The following SIPA1L2 variants were observed in gnomAD, a reference collection of about 807,000 sequenced individuals.
The protein encoded by SIPA1L2 is signal induced proliferation associated 1 like 2.
A neutral mutation model predicts 163.9 loss-of-function variants in SIPA1L2; 56 were observed. The observed-to-expected ratio is 0.34, with a 90% CI of 0.28 to 0.43. The LOEUF is 0.43. Ranked by LOEUF, SIPA1L2 falls within the 20% of genes least tolerant of loss-of-function variation. SIPA1L2 has a pLI of 1.00. For missense variants in SIPA1L2, 1,974 were observed against 2,193.5 expected, an observed-to-expected ratio of 0.90 and a Z score of 2.00; for synonymous variants, 877 against 865.7, an observed-to-expected ratio of 1.01 and a Z score of -0.23.
intron 2 of SIPA1L2, among the ~76,000 whole-genome samples, chr1:232,551,356 A>G (rs1442789458): frequency 2.0e-5 from 3 of 152,208 alleles, no homozygotes; most frequent in African/African-American, 7.2e-5. Flanking sequence ...CTAAGAGAGG[A>G]GCCCTCACAA....
rs900010045 is a variant in SIPA1L2 at position 232,494,907 on chromosome 1, A to AT, written c.1484-1248dup. Among the ~76,000 whole-genome samples the AT allele has an allele frequency of 8.6e-5, 13 of 152,006 alleles. No individual in the cohort carries two copies. The East Asian group carries it at 9.7e-4, about 11-fold the overall frequency. On this transcript the variant is annotated intron_variant, in intron 3 of 22. Transcript: ENST00000674635. ...TCCCAGGTGTAGCCTCAAAAAATCG[A>AT]TTTTTTTTCACCCTGACTTAAGGTT...
At chr1:232,416,547 T>A (rs1661276025) in intron 18 of SIPA1L2, among the ~76,000 whole-genome samples, 1 of 152,236 alleles carries the variant, frequency 6.6e-6, no homozygotes, top group African/African-American at 2.4e-5. Flanking sequence ...GGGTTTACGT[T>A]GCTGTAAGAA....
chr1:232,514,230 A>G lies in SIPA1L2; in HGVS notation c.1110T>C (p.Pro370=), dbSNP rs1667112855. 6.2e-7 allele frequency: 1 copy of G among 1,614,086 alleles called. No individual in the cohort carries two copies. Among genetic ancestry groups the G allele is most frequent in the South Asian group, 1.1e-5 (1 of 91,094 alleles). The part of the protein sequence containing the change: ...GASAASQTQM[P]TGQTGNCESP... ...ACTCACAGTTGCCTGTCTGGCCCGT[A>G]GGCATCTGAGTCTGGGATGCTGCAG... Residue 370 remains proline, a synonymous_variant, in exon 3 of 23, where the codon CCT becomes CCC. Transcript: ENST00000674635.
chr1:232,410,413 A>G (rs1036390150), intron 19 of SIPA1L2, among the ~76,000 whole-genome samples: 3 of 152,164 alleles, frequency 2.0e-5, no homozygotes, highest in Admixed American at 1.3e-4. Flanking sequence ...TTTTCAATTT[A>G]CTACTGAATT....
rs1334503351 is a variant in SIPA1L2, at chr1:232,465,078, G to A, written c.2582C>T (p.Ala861Val). ...GTCAGCAGACTGGCCGAAGTCCCGG[G>A]CTATCACGTGCCACATGATGGCCCC... The part of the protein sequence containing the change: ...SIGAIMWHVI[A>V]RDFGQSADIE... Residue 861 changes from alanine to valine, a missense_variant, in exon 9 of 23, where the codon GCC becomes GTC. By Grantham distance (64) the Ala-to-Val change is moderately conservative (BLOSUM62 0). Coordinates refer to ENST00000674635, the MANE Select transcript of SIPA1L2 (RefSeq NM_020808.5). The surrounding 1 kb of genome is among the most constrained non-coding windows in gnomAD (Gnocchi z 4.1). 2 of 1,614,040 alleles carry A rather than the reference G, an allele frequency of 1.2e-6. No individual in the cohort carries two copies. The highest frequency in any genetic ancestry group is 1.3e-5 in the African/African-American group (1 of 74,910).
intron 3 of SIPA1L2, among the ~76,000 whole-genome samples, chr1:232,497,479 A>T (rs1319106378): frequency 6.6e-6 from 1 of 151,804 alleles, no homozygotes; most frequent in Non-Finnish European, 1.5e-5. Flanking sequence ...TCAAGTCATC[A>T]TCCTTCTCTC....
chr1:232,556,946 G>A (rs1225023671), intron 2 of SIPA1L2, among the ~76,000 whole-genome samples: 1 of 152,126 alleles, frequency 6.6e-6, no homozygotes, highest in East Asian at 1.9e-4. Flanking sequence ...GGAGACACAG[G>A]CCAGCTCTGG....
At chr1:232,454,332 C>T (rs1663765724) in intron 10 of SIPA1L2, among the ~76,000 whole-genome samples, 1 of 152,190 alleles carries the variant, frequency 6.6e-6, no homozygotes. Context: ...CTATCTGGCA[C>T]TTACTAATTC....
At chr1:232,589,655 C>CA (rs1660864752) in intron 1 of SIPA1L2, among the ~76,000 whole-genome samples, 1 of 152,162 alleles carries the variant, frequency 6.6e-6, no homozygotes, top group South Asian at 2.1e-4. Flanking sequence ...CTTAAATGGG[C>CA]AAAGCACTGT....
chr1:232,579,490 A>T lies in SIPA1L2; in HGVS notation c.-318-5268T>A, dbSNP rs192711206. 6.3e-3 allele frequency among the ~76,000 whole-genome samples: 954 copies of T among 152,298 alleles called. 21 individuals are homozygous for T. The highest frequency in any genetic ancestry group is 0.028 in the Admixed American group (424 of 15,298). On this transcript the variant is annotated intron_variant, in intron 1 of 22. Coordinates refer to ENST00000674635, the MANE Select transcript of SIPA1L2 (RefSeq NM_020808.5). ...TCCCAGTACATATTTTCCAAAAGAG[A>T]AGAAGAACAGAGGAGGGAGGCAGGG... is the stretch of plus-strand genomic sequence containing the variant.
intron 14 of SIPA1L2, among the ~76,000 whole-genome samples, chr1:232,440,085 C>T (rs1572899804): frequency 2.0e-5 from 3 of 152,186 alleles, no homozygotes; most frequent in Non-Finnish European, 4.4e-5. Flanking sequence ...GAGACAGCCC[C>T]AGTCAAAGTG....
chr1:232,506,022 T>C (rs1666716616), intron 3 of SIPA1L2, among the ~76,000 whole-genome samples: 1 of 152,126 alleles, frequency 6.6e-6, no homozygotes, highest in Non-Finnish European at 1.5e-5. Flanking sequence ...ATTTGATATG[T>C]AAAGGTGTAG....
At chr1:232,569,072 T>A (rs1405511089) in intron 2 of SIPA1L2, among the ~76,000 whole-genome samples, 2 of 152,232 alleles carry the variant, frequency 1.3e-5, no homozygotes, top group Admixed American at 6.5e-5. Context: ...CTGTATGAAA[T>A]CACTCTTGAG....
chr1:232,461,267 C>T (rs1664222038), intron 9 of SIPA1L2, 106 bp from the exon 10 acceptor site: 1 of 1,386,028 alleles, frequency 7.2e-7, no homozygotes, highest in Non-Finnish European at 9.9e-7. Flanking sequence ...TCCCTTGGGC[C>T]CTCGCAGCCC....
At chr1:232,595,630 A>T (rs1661220360) in intron 1 of SIPA1L2, among the ~76,000 whole-genome samples, 1 of 152,160 alleles carries the variant, frequency 6.6e-6, no homozygotes, top group African/African-American at 2.4e-5. Flanking sequence ...TGCTCCCCCA[A>T]CCAAAGAGGA....
intron 2 of SIPA1L2, among the ~76,000 whole-genome samples, chr1:232,524,491 T>G (rs572781821): frequency 7.7e-4 from 117 of 152,274 alleles, no homozygotes; most frequent in African/African-American, 2.7e-3. Flanking sequence ...CTATAAAATG[T>G]TCAAATACTC....
In SIPA1L2 at chr1:232,493,603, C is replaced by T. The variant is rs373736520; in HGVS notation, c.1541G>A (p.Arg514Gln). ...ENLGPVAVSI[R>Q]REKVEDAKEK... Reference sequence around the variant, plus strand: ...CTTGGCATCTTCCACCTTCTCTCTCCGGATGCTGACTGCTACTGGACCAAG... The same window carrying T: ...CTTGGCATCTTCCACCTTCTCTCTCTGGATGCTGACTGCTACTGGACCAAG... The change falls in exon 4 of 23, where the codon CGG (arginine) becomes CAG (glutamine). Residue 514 changes from arginine (R) to glutamine (Q), a missense_variant. This residue lies in a region of SIPA1L2 where 288 missense variants were observed against 418.9 expected (regional missense o/e 0.69). Coordinates refer to ENST00000674635, the MANE Select transcript of SIPA1L2 (RefSeq NM_020808.5). 31 of 1,614,024 alleles carry T rather than the reference C, an allele frequency of 1.9e-5. No homozygotes were observed. Among genetic ancestry groups the T allele is most frequent in the African/African-American group, 2.7e-5 (2 of 75,004 alleles).
Position 232,445,612 on chromosome 1 carries a change from C to A in SIPA1L2, c.3270G>T (p.Leu1090=). The change falls in exon 11 of 23, where the codon CTG becomes CTT. Residue 1090 remains leucine (L), a synonymous_variant. Coordinates refer to ENST00000674635, the MANE Select transcript of SIPA1L2 (RefSeq NM_020808.5). ...CCTGCTGGAGCAGCTGTTGGCACGG[C>A]AGCCGGTCGGGCGTGCCGGGGATGG... ...ASPIPGTPDR[L]PCQQLLQQAQ... 6.2e-7 allele frequency: 1 copy of A among 1,613,944 alleles called. No individual in the cohort carries two copies.
chr1:232,442,206 C>T lies in SIPA1L2; in HGVS notation c.3438-338G>A, dbSNP rs1034452218. Among the ~76,000 whole-genome samples, 8 of 151,488 alleles carry T rather than the reference C, an allele frequency of 5.3e-5. No individual in the cohort carries two copies. The East Asian group carries it at 7.8e-4, about 15-fold the overall frequency. ...CGGAGGAGGTCGCATTTTTACGTTA[C>T]GCTTAGAATACATGGCACTGACATC... On this transcript the variant is annotated intron_variant, in intron 12 of 22. Transcript: ENST00000674635.
Sources: gnomAD v4.1 joint callset for allele counts (sites outside exome capture counted in the v4.1 genomes callset) on GRCh38, gnomAD v4.1.1 for gene constraint, gnomAD v4.1.1 regional missense constraint, Gnocchi (gnomAD v3.1) non-coding constraint, MANE v1.5 for transcripts, NCBI Gene and HGNC (gene_info 2026-07-23, HGNC 2026-07-21) for gene names.